The following TENM2 variants were observed in gnomAD, a reference collection of about 807,000 sequenced individuals.
TENM2 encodes teneurin-2.
In TENM2, 52 loss-of-function variants were observed where a neutral mutation model predicts 245.2. The observed-to-expected ratio is 0.21, with a 90% CI of 0.17 to 0.27. The LOEUF is 0.27. Ranked by LOEUF, TENM2 falls within the 10% of genes least tolerant of loss-of-function variation. The pLI, the probability that TENM2 is intolerant of heterozygous loss-of-function variation, is 1.00. For synonymous variants in TENM2, 1,363 were observed against 1,438.9 expected (o/e 0.95, Z 1.19); for missense variants, 3,046 against 3,666.8 (o/e 0.83, Z 4.37).
rs556274989 is a variant in TENM2 at position 167,921,707 on chromosome 5, G to T, written c.713-30881G>T. On this transcript the variant is annotated intron_variant, in intron 3 of 28. Coordinates refer to ENST00000518659, the Ensembl canonical transcript of TENM2. ...TTAATGTATCTCAGGGAGGGTGCTC[G>T]ATGGGAGGCATGACAGAAATTATAT... Among the ~76,000 whole-genome samples the T allele has an allele frequency of 3.3e-5, 5 of 152,260 alleles. No individual in the cohort carries two copies. The South Asian group carries it at 1.0e-3, about 32-fold the overall frequency.
intron 2 of TENM2, among the ~76,000 whole-genome samples, chr5:167,506,278 A>G (rs1769540875): frequency 6.6e-6 from 1 of 152,234 alleles, no homozygotes; most frequent in African/African-American, 2.4e-5. Flanking sequence ...TTATACGGTC[A>G]GAACAATGAG....
the TENM2 span, among the ~76,000 whole-genome samples, chr5:167,051,686 T>G: frequency 6.6e-6 from 1 of 152,192 alleles, no homozygotes; most frequent in South Asian, 2.1e-4. Context: ...ATTGGCAGCT[T>G]TTTATATTGG....
intron 2 of TENM2, among the ~76,000 whole-genome samples, chr5:167,828,940 T>G (rs1332254567): frequency 6.6e-6 from 1 of 152,150 alleles, no homozygotes; most frequent in Non-Finnish European, 1.5e-5. Context: ...TGGCTCTTGG[T>G]TTCACATTGT....
chr5:167,353,166 C>T (rs1759038255), intron 1 of TENM2, among the ~76,000 whole-genome samples: 1 of 152,148 alleles, frequency 6.6e-6, no homozygotes, highest in African/African-American at 2.4e-5. Context: ...AGCAGACTGG[C>T]TCATCAGCGC....
intron 25 of TENM2, among the ~76,000 whole-genome samples, chr5:168,242,601 G>A (rs552965397): frequency 1.3e-5 from 2 of 152,110 alleles, no homozygotes; most frequent in Non-Finnish European, 2.9e-5. Flanking sequence ...TCAAACAATG[G>A]ATGCAAAATG....
intron 2 of TENM2, among the ~76,000 whole-genome samples, chr5:167,743,160 A>G (rs900014215): frequency 1.3e-5 from 2 of 152,208 alleles, no homozygotes; most frequent in African/African-American, 4.8e-5. Context: ...ACTGGAGAGC[A>G]GCTGAGGCTA....
chr5:167,538,164 A>G lies in TENM2; in HGVS notation c.502+162691A>G, dbSNP rs78878530. ...ATGAATTGCTTCCAGGTGAATATCC[A>G]TGAATCTGATGATACTTGAAGACAC... On this transcript the variant is annotated intron_variant, in intron 2 of 28. Coordinates refer to ENST00000518659, the Ensembl canonical transcript of TENM2. Among the ~76,000 whole-genome samples, 564 of 152,334 alleles carry G rather than the reference A, an allele frequency of 3.7e-3. 24 individuals are homozygous for G. The South Asian group carries it at 0.081, about 22-fold the overall frequency.
At chr5:167,920,515 T>TCTCACACACA (rs374313857) in intron 3 of TENM2, among the ~76,000 whole-genome samples, 2 of 129,456 alleles carry the variant, frequency 1.5e-5, no homozygotes, top group Non-Finnish European at 3.2e-5. Context: ...CGAAACTCCA[T>TCTCACACACA]CACACACACA....
chr5:167,048,274 C>T, the TENM2 span, among the ~76,000 whole-genome samples: 5 of 152,134 alleles, frequency 3.3e-5, no homozygotes, highest in South Asian at 2.1e-4. Flanking sequence ...TAAAAAAATT[C>T]TTTATTATTC....
the TENM2 span, among the ~76,000 whole-genome samples, chr5:167,082,400 C>T: frequency 3.9e-5 from 6 of 152,072 alleles, no homozygotes; most frequent in East Asian, 1.9e-4. Context: ...TCTCCTGCCT[C>T]GGCCTCCCAA....
intron 10 of TENM2, among the ~76,000 whole-genome samples, chr5:168,120,359 A>G (rs900231572): frequency 6.6e-6 from 1 of 152,226 alleles, no homozygotes; most frequent in African/African-American, 2.4e-5. Flanking sequence ...GTTCTTAAAG[A>G]TAAATGGATT....
chr5:167,510,862 C>G (rs899551478), intron 2 of TENM2, among the ~76,000 whole-genome samples: 2 of 151,820 alleles, frequency 1.3e-5, no homozygotes, highest in Non-Finnish European at 2.9e-5. Context: ...CACTATGTTT[C>G]CAAACACAGA....
rs1197236048 is a variant in TENM2 at position 167,545,500 on chromosome 5, A to G, written c.502+170027A>G. Among the ~76,000 whole-genome samples, 5 of 152,004 alleles carry G rather than the reference A, an allele frequency of 3.3e-5. No homozygotes were observed. In the South Asian group the frequency reaches 6.2e-4, roughly 19 times the overall value. On this transcript the variant is annotated intron_variant, in intron 2 of 28. Transcript: ENST00000518659. Reference sequence around the variant, plus strand: ...TCTTGCTAGATAAACATGTTTTTTAAAAGATTTAATTGTCACGGCTCCCAA... The same window carrying G: ...TCTTGCTAGATAAACATGTTTTTTAGAAGATTTAATTGTCACGGCTCCCAA...
intron 27 of TENM2, among the ~76,000 whole-genome samples, chr5:168,254,642 A>G (rs1767479103): frequency 6.6e-6 from 1 of 152,220 alleles, no homozygotes; most frequent in South Asian, 2.1e-4. Flanking sequence ...ATTCCTGGTC[A>G]CAGAGGCAGG....
chr5:167,396,189 C>A (rs1210722296), intron 2 of TENM2, among the ~76,000 whole-genome samples: 1 of 151,998 alleles, frequency 6.6e-6, no homozygotes, highest in South Asian at 2.1e-4. Context: ...TTCACAGTAA[C>A]CAAGATGTGG....
intron 19 of TENM2, among the ~76,000 whole-genome samples, chr5:168,207,636 C>A (rs1358967291): frequency 6.6e-6 from 1 of 152,142 alleles, no homozygotes; most frequent in Non-Finnish European, 1.5e-5. Flanking sequence ...CAGCAACCAG[C>A]AGAGGGAGGG....
At chr5:166,985,593 C>A in the TENM2 span, among the ~76,000 whole-genome samples, 1 of 152,026 alleles carries the variant, frequency 6.6e-6, no homozygotes, top group East Asian at 1.9e-4. Flanking sequence ...CATAATCAGA[C>A]GCAGTCAGAT....
chr5:167,467,284 C>G (rs1766726864), intron 2 of TENM2, among the ~76,000 whole-genome samples: 1 of 152,090 alleles, frequency 6.6e-6, no homozygotes, highest in Non-Finnish European at 1.5e-5. Context: ...GTCTCTCCTA[C>G]CGCCTTGTGA....
At chr5:167,555,487 T>C (rs1773210410) in intron 2 of TENM2, among the ~76,000 whole-genome samples, 1 of 152,208 alleles carries the variant, frequency 6.6e-6, no homozygotes, top group Admixed American at 6.5e-5. Context: ...TGTAAGTTAT[T>C]GTCTTCTCCT....
Sources: allele counts gnomAD v4.1 joint callset (sites outside exome capture counted in the v4.1 genomes callset), GRCh38; gene constraint gnomAD v4.1.1; transcripts MANE v1.5; gene names NCBI Gene and HGNC (gene_info 2026-07-23, HGNC 2026-07-21).